Variants in RXRA observed in about 807,000 individuals in gnomAD.
The protein encoded by RXRA is retinoic acid receptor RXR-alpha.
RXRA carries 5 observed loss-of-function variants against 44.5 expected under a neutral mutation model. The observed-to-expected ratio is 0.11, with a 90% confidence interval of 0.06 to 0.24. RXRA has a LOEUF of 0.24. Ranked by LOEUF, RXRA falls within the 10% of genes least tolerant of loss-of-function variation. RXRA has a pLI of 1.00. For synonymous variants in RXRA, 291 were observed against 271.4 expected (o/e 1.07, Z -0.71); for missense variants, 412 against 646.5 (o/e 0.64, Z 3.93).
chr9:134,366,666 A>G lies in RXRA; in HGVS notation c.29-34966A>G, dbSNP rs1029590045. On this transcript the variant is annotated intron_variant, in intron 1 of 9. Coordinates refer to ENST00000481739, the MANE Select transcript of RXRA (RefSeq NM_002957.6). The surrounding 1 kb of genome is among the most constrained non-coding windows in gnomAD (Gnocchi z 5.9). Reference sequence around the variant, plus strand: ...TGAGGAGCTGGGTGGGGCTGGAGAAATCAGCTCCCGCCAGCCTGATCTTCC... The same window carrying G: ...TGAGGAGCTGGGTGGGGCTGGAGAAGTCAGCTCCCGCCAGCCTGATCTTCC... Among the ~76,000 whole-genome samples, 8 of 152,096 alleles carry G rather than the reference A, an allele frequency of 5.3e-5. No homozygotes were observed. The highest frequency in any genetic ancestry group is 5.2e-4 in the Admixed American group (8 of 15,280).
Position 134,375,502 on chromosome 9 carries a change from G to T in RXRA, c.29-26130G>T, listed in dbSNP as rs78122081. ...GGCAGGGGATTCCAGGCAGGTCCTG[G>T]CCCGGAATAAACCCTGGTTCATCTG... On this transcript the variant is annotated intron_variant, in intron 1 of 9. Transcript: ENST00000481739. Among the ~76,000 whole-genome samples, 937 of 152,326 alleles carry T rather than the reference G, an allele frequency of 6.2e-3. 9 individuals carry two copies. Among genetic ancestry groups the T allele is most frequent in the African/African-American group, 0.021 (871 of 41,572 alleles).
intron 7 of RXRA, 53 bp downstream of exon 7, chr9:134,429,293 G>C: frequency 1.3e-6 from 2 of 1,588,340 alleles, no homozygotes; most frequent in Non-Finnish European, 1.7e-6. Context: ...CCGCCACCAG[G>C]CCAGCTGAGT....
chr9:134,417,349 G>T lies in RXRA; in HGVS notation c.780+22G>T. On this transcript the variant is annotated intron_variant, in intron 5 of 9. Transcript: ENST00000481739. This position sits in a 1 kb window ranked among gnomAD's most constrained non-coding sequence, Gnocchi z 6.1. The stretch of plus-strand genomic sequence containing the variant: ...CTCGGTGAGTTGCAGCCTGTGCAGG[G>T]GTGGGCAGCCTCACATGCCTCAGTT... 1 of 1,608,214 alleles carries T rather than the reference G, an allele frequency of 6.2e-7. No individual in the cohort carries two copies. The highest frequency in any genetic ancestry group is 8.5e-7 in the Non-Finnish European group (1 of 1,176,042).
At chr9:134,352,735 T>C (rs1216811580) in intron 1 of RXRA, among the ~76,000 whole-genome samples, 1 of 152,106 alleles carries the variant, frequency 6.6e-6, no homozygotes, top group Admixed American at 6.5e-5. Context: ...GGGGCCAGCA[T>C]GGGGCGGGCT....
chr9:134,367,951 G>T (rs970744163), intron 1 of RXRA, among the ~76,000 whole-genome samples: 4 of 152,268 alleles, frequency 2.6e-5, no homozygotes, highest in African/African-American at 9.6e-5. Flanking sequence ...TGATGGTATC[G>T]GCCTTGCCGG....
chr9:134,329,647 G>T, intron 1 of RXRA, among the ~76,000 whole-genome samples: 1 of 152,224 alleles, frequency 6.6e-6, no homozygotes, highest in East Asian at 1.9e-4. Flanking sequence ...CCCTGGTCAC[G>T]CGGGCAGCTG....
chr9:134,331,268 T>C (rs1835000756), intron 1 of RXRA, among the ~76,000 whole-genome samples: 2 of 152,226 alleles, frequency 1.3e-5, no homozygotes, highest in African/African-American at 4.8e-5. Context: ...CCCCAGCGCC[T>C]CACAGACAGG....
chr9:134,348,109 G>T (rs1830176808), intron 1 of RXRA, among the ~76,000 whole-genome samples: 1 of 152,190 alleles, frequency 6.6e-6, no homozygotes, highest in Non-Finnish European at 1.5e-5. Flanking sequence ...GGCCTGCACA[G>T]TGGTGCTGTT....
At position 134,326,673 on chromosome 9, in the gene RXRA, G is replaced by C; in HGVS notation, c.28+14G>C. On this transcript the variant is annotated intron_variant, in intron 1 of 9. Coordinates refer to ENST00000481739, the MANE Select transcript of RXRA (RefSeq NM_002957.6). Reference sequence around the variant, plus strand: ...TCCTGCCGCTCGGTGAGTGCTCGCCGGGCCGGGCGGGGACGGGGCCGGGGG... The same window carrying C: ...TCCTGCCGCTCGGTGAGTGCTCGCCCGGCCGGGCGGGGACGGGGCCGGGGG... The C allele has an allele frequency of 2.2e-6, 2 of 919,488 alleles. No individual in the cohort carries two copies. The highest frequency in any genetic ancestry group is 2.6e-6 in the Non-Finnish European group (2 of 773,624). 57.0% of individuals were successfully genotyped at this position (919,488 alleles called of 1,614,324 possible).
intron 1 of RXRA, among the ~76,000 whole-genome samples, chr9:134,388,154 A>G (rs983022252): frequency 2.0e-5 from 3 of 149,454 alleles, no homozygotes; most frequent in African/African-American, 7.3e-5. Context: ...TTGAGTTTGT[A>G]TTAAGTTACT....
At chr9:134,329,121 C>T (rs372493016) in intron 1 of RXRA, among the ~76,000 whole-genome samples, 3 of 152,258 alleles carry the variant, frequency 2.0e-5, no homozygotes, top group African/African-American at 7.2e-5. Context: ...AGACCCCATG[C>T]GCCTGTGGAG....
intron 1 of RXRA, among the ~76,000 whole-genome samples, chr9:134,376,778 C>G (rs905326339): frequency 6.6e-6 from 1 of 152,154 alleles, no homozygotes; most frequent in Non-Finnish European, 1.5e-5. Flanking sequence ...CTCCTTGCAG[C>G]TGAGACCAGC....
chr9:134,373,097 G>A (rs1830510005), intron 1 of RXRA, among the ~76,000 whole-genome samples: 1 of 152,180 alleles, frequency 6.6e-6, no homozygotes, highest in Admixed American at 6.5e-5. Context: ...GAGGAAGCGG[G>A]TGCCCAGAGA....
chr9:134,347,899 C>T (rs1336159625), intron 1 of RXRA, among the ~76,000 whole-genome samples: 1 of 152,084 alleles, frequency 6.6e-6, no homozygotes, highest in Admixed American at 6.5e-5. Flanking sequence ...CCTTCAGAGG[C>T]CGTGAGTGCT....
chr9:134,408,039 C>T, intron 2 of RXRA, 110 bp from the exon 3 acceptor site: 1 of 782,240 alleles, frequency 1.3e-6, no homozygotes, highest in East Asian at 2.9e-5. Context: ...GCCTCGGTGT[C>T]TGTGTGTGAA....
chr9:134,344,691 C>T (rs1830129001), intron 1 of RXRA, among the ~76,000 whole-genome samples: 1 of 152,202 alleles, frequency 6.6e-6, no homozygotes, highest in Non-Finnish European at 1.5e-5. Context: ...TCACTGCTGC[C>T]TGGCCACGGA....
At chr9:134,339,906 T>C (rs1830065888) in intron 1 of RXRA, among the ~76,000 whole-genome samples, 1 of 152,090 alleles carries the variant, frequency 6.6e-6, no homozygotes, top group Non-Finnish European at 1.5e-5. Flanking sequence ...TGTGTGTGTC[T>C]GTGTGTGAAC....
intron 1 of RXRA, chr9:134,380,062 C>T (rs1355494715): frequency 5.1e-6 from 5 of 985,262 alleles, no homozygotes; most frequent in Non-Finnish European, 6.0e-6. Flanking sequence ...ATCTTCCTGC[C>T]CTCTCCCCTG....
At chr9:134,420,427 C>T (rs565630844) in intron 5 of RXRA, among the ~76,000 whole-genome samples, 42 of 152,300 alleles carry the variant, frequency 2.8e-4, no homozygotes, top group African/African-American at 9.9e-4. Flanking sequence ...TGGTCAACCC[C>T]ACTCAGCCGA....
Sources: allele counts gnomAD v4.1 joint callset (sites outside exome capture counted in the v4.1 genomes callset), GRCh38; gene constraint gnomAD v4.1.1; non-coding constraint Gnocchi (gnomAD v3.1); transcripts MANE v1.5; gene names NCBI Gene and HGNC (gene_info 2026-07-23, HGNC 2026-07-21).